Variants in DNAJB6 observed in about 807,000 individuals in gnomAD.
DNAJB6 encodes the protein DnaJ heat shock protein family (Hsp40) member B6, also known as dnaJ homolog subfamily B member 6.
In DNAJB6, 16 loss-of-function variants were observed where a neutral mutation model predicts 42.7. The observed-to-expected ratio is 0.37, with a 90% CI of 0.25 to 0.57. DNAJB6 has a LOEUF of 0.57. Ranked by LOEUF, DNAJB6 falls within the 20% of genes least tolerant of loss-of-function variation. The probability of loss-of-function intolerance (pLI) is 0.74; values close to 1 mark genes in which losing one functional copy is unlikely to be tolerated. For synonymous variants in DNAJB6, 170 were observed against 163.5 expected (o/e 1.04, Z -0.30); for missense variants, 347 against 416.8 (o/e 0.83, Z 1.46).
intron 8 of DNAJB6, among the ~76,000 whole-genome samples, chr7:157,403,856 A>G (rs1795638151): frequency 6.6e-6 from 1 of 152,242 alleles, no homozygotes; most frequent in Admixed American, 6.5e-5. Context: ...GCGGAAGCAG[A>G]GGCTGCTCCA....
At chr7:157,344,349 CAAA>C (rs940085123) in intron 1 of DNAJB6, among the ~76,000 whole-genome samples, 16 of 122,010 alleles carry the variant, frequency 1.3e-4, no homozygotes, top group Non-Finnish European at 2.8e-4. Flanking sequence ...GACTCCGTCT[CAAA>C]AAAAAAAAAA....
In DNAJB6 at chr7:157,357,180, C is replaced by T. The variant is rs56388519; in HGVS notation, c.-26-1367C>T. Reference sequence around the variant, plus strand: ...CAAAAACCAAGAGTTGAAGTTTCCACAGATGTGTCTTTGTGGCTTTGTGAT... The same window carrying T: ...CAAAAACCAAGAGTTGAAGTTTCCATAGATGTGTCTTTGTGGCTTTGTGAT... On this transcript the variant is annotated intron_variant, in intron 1 of 9. Transcript: ENST00000262177. 3.8e-3 allele frequency among the ~76,000 whole-genome samples: 556 copies of T among 147,022 alleles called. 11 individuals carry two copies. The highest frequency in any genetic ancestry group is 7.1e-3 in the Middle Eastern group (2 of 282).
intron 8 of DNAJB6, among the ~76,000 whole-genome samples, chr7:157,408,709 T>A (rs1025922668): frequency 6.6e-6 from 1 of 152,200 alleles, no homozygotes; most frequent in African/African-American, 2.4e-5. Context: ...GGAAGTGGTG[T>A]ATAGGCCAGT....
intron 9 of DNAJB6, chr7:157,411,901 G>A (rs1795989562): frequency 1.3e-5 from 2 of 152,372 alleles, no homozygotes; most frequent in South Asian, 4.1e-4. Flanking sequence ...CCGTTTCTGA[G>A]TGGGGAGAAC....
chr7:157,378,696 G>A (rs956768698), intron 5 of DNAJB6: 6 of 152,200 alleles, frequency 3.9e-5, no homozygotes, highest in Admixed American at 2.0e-4. Flanking sequence ...GTTCCCTGAC[G>A]TAGAATTGCT....
chr7:157,372,538 TA>T (rs1800267991), intron 5 of DNAJB6, among the ~76,000 whole-genome samples: 1 of 152,178 alleles, frequency 6.6e-6, no homozygotes, highest in Non-Finnish European at 1.5e-5. Context: ...GTATCTAGAA[TA>T]AAATGGTTTC....
At chr7:157,367,898 CTT>C (rs1471407484) in intron 5 of DNAJB6, among the ~76,000 whole-genome samples, 1 of 151,460 alleles carries the variant, frequency 6.6e-6, no homozygotes, top group Non-Finnish European at 1.5e-5. Context: ...TGTCACGAAA[CTT>C]TGTGTTTAAA....
At chr7:157,400,624 CTA>C in intron 8 of DNAJB6, among the ~76,000 whole-genome samples, 1 of 152,362 alleles carries the variant, frequency 6.6e-6, no homozygotes, top group Non-Finnish European at 1.5e-5. Flanking sequence ...CGCTGGTGGT[CTA>C]TGTCTCATCA....
intron 1 of DNAJB6, among the ~76,000 whole-genome samples, chr7:157,338,331 A>G (rs554172064): frequency 3.4e-5 from 5 of 147,652 alleles, no homozygotes; most frequent in African/African-American, 1.2e-4. Flanking sequence ...TTTACTCCAG[A>G]CTTCCTTTTT....
At chr7:157,386,732 A>C (rs893373941) in intron 8 of DNAJB6, among the ~76,000 whole-genome samples, 1 of 152,098 alleles carries the variant, frequency 6.6e-6, no homozygotes, top group African/African-American at 2.4e-5. Context: ...AAAAATAGAA[A>C]AATTAGCTGG....
intron 5 of DNAJB6, chr7:157,372,276 G>C (rs1800248407): frequency 6.5e-6 from 1 of 152,942 alleles, no homozygotes; most frequent in Admixed American, 6.5e-5. Flanking sequence ...TTGATATCCA[G>C]CAAGGACCTG....
chr7:157,342,697 C>T (rs1044889553), intron 1 of DNAJB6, among the ~76,000 whole-genome samples: 2 of 152,102 alleles, frequency 1.3e-5, no homozygotes, highest in African/African-American at 4.8e-5. Flanking sequence ...CCTCAATCCA[C>T]CTTCCTCGAC....
At chr7:157,351,814 C>CA (rs759274637) in intron 1 of DNAJB6, among the ~76,000 whole-genome samples, 12 of 150,252 alleles carry the variant, frequency 8.0e-5, no homozygotes, top group Non-Finnish European at 1.8e-4. Flanking sequence ...AAAAAAAACC[C>CA]AAAAAACAAA....
At chr7:157,407,476 C>T (rs760026296) in intron 8 of DNAJB6, among the ~76,000 whole-genome samples, 10 of 152,190 alleles carry the variant, frequency 6.6e-5, no homozygotes, top group East Asian at 1.9e-4. Context: ...AAAGTCATGG[C>T]GGAGTATTGG....
At chr7:157,414,408 G>T (rs1027215375) in intron 9 of DNAJB6, 1 of 152,312 alleles carries the variant, frequency 6.6e-6, no homozygotes, top group Non-Finnish European at 1.5e-5. Context: ...TCGGGACGGA[G>T]ATCTCCTGGC....
chr7:157,345,360 A>C (rs1039910628), intron 1 of DNAJB6, among the ~76,000 whole-genome samples: 3 of 151,904 alleles, frequency 2.0e-5, no homozygotes, highest in Non-Finnish European at 1.5e-5. Context: ...CTCTTGTCCA[A>C]GTTGGAGTGC....
intron 5 of DNAJB6, among the ~76,000 whole-genome samples, chr7:157,372,566 C>T (rs1422323550): frequency 6.6e-6 from 1 of 152,216 alleles, no homozygotes; most frequent in African/African-American, 2.4e-5. Context: ...TGCCTTGATA[C>T]TGTCCTTGGT....
chr7:157,382,094 G>A, intron 5 of DNAJB6, 152 bp from the exon 6 acceptor site: 1 of 713,862 alleles, frequency 1.4e-6, no homozygotes, highest in South Asian at 2.4e-5. Context: ...TAGTGTTTCA[G>A]TTACTCTGTA....
At chr7:157,415,900 A>G in intron 9 of DNAJB6, 116 bp from the exon 10 acceptor site, 1 of 1,574,900 alleles carries the variant, frequency 6.3e-7, no homozygotes, top group South Asian at 1.2e-5. Flanking sequence ...AAGATAGATG[A>G]CTTCATTTTG....
Sources: allele counts gnomAD v4.1 joint callset (sites outside exome capture counted in the v4.1 genomes callset), GRCh38; gene constraint gnomAD v4.1.1; transcripts MANE v1.5; gene names NCBI Gene and HGNC (gene_info 2026-07-23, HGNC 2026-07-21).